Variants in PIWIL4 observed in about 807,000 individuals in gnomAD.
PIWIL4 encodes the protein piwi-like protein 4.
A neutral mutation model predicts 100.9 loss-of-function variants in PIWIL4; 50 were observed. The ratio of observed to expected loss-of-function variants is 0.50; its 90% confidence interval spans 0.39 to 0.63. PIWIL4 has a LOEUF of 0.63. PIWIL4 is among the 20% of genes least tolerant of loss of function. PIWIL4 has a pLI of 0.00. For missense variants in PIWIL4, 887 were observed against 1,043.3 expected, an observed-to-expected ratio of 0.85 and a Z score of 2.06; for synonymous variants, 342 against 367.5, an observed-to-expected ratio of 0.93 and a Z score of 0.79.
At chr11:94,575,268 T>A (rs1295350048) in intron 3 of PIWIL4, 138 bp downstream of exon 3, 1 of 815,484 alleles carries the variant, frequency 1.2e-6, no homozygotes, top group African/African-American at 1.8e-5. Context: ...TTCAAGGCAC[T>A]GTTAGACGCT....
In PIWIL4 at chr11:94,567,396, A is replaced by G. The variant is rs963824724; in HGVS notation, c.-123A>G. On this transcript the variant is annotated 5_prime_UTR_variant, in exon 1 of 20. The change abolishes an upstream ATG in the 5' untranslated region. Transcript: ENST00000299001. ...TTTCCAGCCCCGGCGTTGGTTGTGG[A>G]TGCTGGACATCCACCGCCTCCAGGC... is the stretch of plus-strand genomic sequence containing the variant. 1.1e-5 allele frequency: 10 copies of G among 887,328 alleles called. No homozygotes were observed. Among genetic ancestry groups the G allele is most frequent in the Non-Finnish European group, 1.6e-5 (10 of 616,260 alleles). 55.0% of individuals were successfully genotyped at this position (887,328 alleles called of 1,614,324 possible).
At chr11:94,593,788 A>G (rs773915124) in intron 9 of PIWIL4, 147 bp downstream of exon 9, 2 of 879,730 alleles carry the variant, frequency 2.3e-6, no homozygotes, top group Non-Finnish European at 3.3e-6. Flanking sequence ...TTATTCAATA[A>G]TAGAGACATG....
At chr11:94,602,365 CCTGA>C (rs1347837904) in intron 12 of PIWIL4, among the ~76,000 whole-genome samples, 6 of 152,232 alleles carry the variant, frequency 3.9e-5, no homozygotes, top group South Asian at 2.1e-4. Context: ...AGTTGCATGT[CCTGA>C]CTTTTACTTG....
intron 13 of PIWIL4, among the ~76,000 whole-genome samples, chr11:94,606,746 A>AGGG (rs1948724170): frequency 6.6e-6 from 1 of 151,626 alleles, no homozygotes; most frequent in South Asian, 2.1e-4. Flanking sequence ...AGGCACAAGA[A>AGGG]TCGCTTGACC....
At chr11:94,614,555 C>T (rs577599065) in intron 15 of PIWIL4, among the ~76,000 whole-genome samples, 1 of 152,246 alleles carries the variant, frequency 6.6e-6, no homozygotes, top group African/African-American at 2.4e-5. Flanking sequence ...GTGATCCTCC[C>T]TCCTCGGCCT....
At position 94,620,538 on chromosome 11, in the gene PIWIL4, C is replaced by T. The variant is rs565393989; in HGVS notation, c.2443-338C>T. On this transcript the variant is annotated intron_variant, in intron 19 of 19. Transcript: ENST00000299001. ...CCTGGGTCTGCCCTTTGTTCCTGTGCATTAGGCCAAGAGCTGTTCCCAAAG... is the reference window on the plus strand; with the variant it reads ...CCTGGGTCTGCCCTTTGTTCCTGTGTATTAGGCCAAGAGCTGTTCCCAAAG... 3.9e-5 allele frequency among the ~76,000 whole-genome samples: 6 copies of T among 152,244 alleles called. No individual in the cohort carries two copies. The East Asian group carries it at 1.2e-3, about 29-fold the overall frequency.
chr11:94,587,024 C>T, intron 6 of PIWIL4, 26 bp from the exon 7 acceptor site: 1 of 1,544,334 alleles, frequency 6.5e-7, no homozygotes, highest in South Asian at 1.1e-5. Context: ...TGACAATATT[C>T]CTTTTTTTCT....
chr11:94,595,119 G>A (rs969454462), intron 9 of PIWIL4, among the ~76,000 whole-genome samples, 190 bp from the exon 10 acceptor site: 12 of 152,102 alleles, frequency 7.9e-5, no homozygotes, highest in African/African-American at 1.4e-4. Flanking sequence ...AAGTAATTTC[G>A]TCTGTTTCTT....
At chr11:94,592,150 C>T (rs1418288231) in intron 8 of PIWIL4, among the ~76,000 whole-genome samples, 1 of 152,180 alleles carries the variant, frequency 6.6e-6, no homozygotes, top group East Asian at 1.9e-4. Flanking sequence ...CCACTCCAGC[C>T]CAGGGATCCA....
At chr11:94,571,921 A>G (rs1948160189) in intron 2 of PIWIL4, among the ~76,000 whole-genome samples, 1 of 152,158 alleles carries the variant, frequency 6.6e-6, no homozygotes, top group Non-Finnish European at 1.5e-5. Context: ...AAGTGTTCCT[A>G]TATTTCCCCA....
intron 15 of PIWIL4, among the ~76,000 whole-genome samples, chr11:94,615,386 C>A (rs115157983): frequency 1.4e-4 from 22 of 152,162 alleles, no homozygotes; most frequent in African/African-American, 4.8e-4. Context: ...TAAAGTGAAT[C>A]TCTTTGTGTT....
chr11:94,611,564 G>A (rs1317706278), intron 15 of PIWIL4, among the ~76,000 whole-genome samples: 2 of 152,202 alleles, frequency 1.3e-5, no homozygotes, highest in Admixed American at 1.3e-4. Context: ...GATATAGTTT[G>A]TCCCCTCCAA....
At chr11:94,581,348 C>T (rs1948315097) in intron 4 of PIWIL4, among the ~76,000 whole-genome samples, 1 of 152,054 alleles carries the variant, frequency 6.6e-6, no homozygotes, top group Non-Finnish European at 1.5e-5. Context: ...AGTGATAGTT[C>T]CTTGTTTAGG....
chr11:94,579,347 C>G lies in PIWIL4; in HGVS notation c.513+1855C>G, dbSNP rs140301133. ...TTTTTACACATTTGACATATTCAGT[C>G]CTAAAATAAAGATGGTATGGATGTT... On this transcript the variant is annotated intron_variant, in intron 4 of 19. Coordinates refer to ENST00000299001, the MANE Select transcript of PIWIL4 (RefSeq NM_152431.3). Among the ~76,000 whole-genome samples, 29 of 151,910 alleles carry G rather than the reference C, an allele frequency of 1.9e-4. 1 individual carries two copies. The highest frequency in any genetic ancestry group is 6.0e-4 in the African/African-American group (25 of 41,330).
chr11:94,598,705 C>CTTTTTTTTTTTTTTTT (rs769342028), intron 11 of PIWIL4, among the ~76,000 whole-genome samples: 1 of 110,086 alleles, frequency 9.1e-6, no homozygotes, highest in African/African-American at 3.6e-5. Context: ...TTTTTTCCAT[C>CTTTTTTTTTTTTTTTT]TTTTTTTTTT....
At chr11:94,586,152 A>G (rs1207721157) in intron 6 of PIWIL4, among the ~76,000 whole-genome samples, 1 of 151,688 alleles carries the variant, frequency 6.6e-6, no homozygotes, top group Non-Finnish European at 1.5e-5. Flanking sequence ...TGGAGGAAAA[A>G]TGACGGAGTT....
intron 11 of PIWIL4, 49 bp from the exon 12 acceptor site, chr11:94,601,746 C>T: frequency 6.4e-7 from 1 of 1,570,718 alleles, no homozygotes; most frequent in South Asian, 1.1e-5. Flanking sequence ...TATTTAGCTG[C>T]TCTCTGAATA....
intron 6 of PIWIL4, among the ~76,000 whole-genome samples, chr11:94,585,918 G>C (rs115423592): frequency 6.6e-6 from 1 of 152,128 alleles, no homozygotes. Flanking sequence ...TCTGGTGAAG[G>C]ATAGAATCCT....
chr11:94,612,477 G>T (rs1232763129), intron 15 of PIWIL4, among the ~76,000 whole-genome samples: 1 of 151,888 alleles, frequency 6.6e-6, no homozygotes, highest in Non-Finnish European at 1.5e-5. Flanking sequence ...CATTTAGTTA[G>T]GTTTTCTTTT....
Sources: allele counts gnomAD v4.1 joint callset (sites outside exome capture counted in the v4.1 genomes callset), GRCh38; gene constraint gnomAD v4.1.1; transcripts MANE v1.5; gene names NCBI Gene and HGNC (gene_info 2026-07-23, HGNC 2026-07-21).